Variants in AGBL4 observed in about 807,000 individuals in gnomAD.
The protein encoded by AGBL4 is cytosolic carboxypeptidase 6.
Under a neutral mutation model 66.4 loss-of-function variants are expected in AGBL4, and 58 were observed. The ratio of observed to expected loss-of-function variants is 0.87; its 90% CI spans 0.71 to 1.09. The LOEUF is 1.09. AGBL4 is among the 50% of genes least tolerant of loss of function. The pLI, the probability that AGBL4 is intolerant of heterozygous loss-of-function variation, is 0.00. For synonymous variants in AGBL4, 234 were observed against 222.9 expected (o/e 1.05, Z -0.44); for missense variants, 579 against 631.0 (o/e 0.92, Z 0.88).
intron 1 of AGBL4, among the ~76,000 whole-genome samples, chr1:49,937,537 A>AT (rs1240743331): frequency 6.6e-6 from 1 of 152,010 alleles, no homozygotes; most frequent in Non-Finnish European, 1.5e-5. Context: ...CAGAATATAC[A>AT]TTTTTTTCAG....
chr1:48,587,083 A>G lies in AGBL4; in HGVS notation c.1188T>C (p.Tyr396=). Residue 396 remains tyrosine (Y), a synonymous_variant, in exon 11 of 14, where the codon TAT becomes TAC. Coordinates refer to ENST00000371839, the MANE Select transcript of AGBL4 (RefSeq NM_032785.4). Reference sequence around the variant, plus strand: ...AGAAGGAGACCTCTAGGGTGTAGCAATAGGAAGTGTGGTCCAGGAGTCCAC... The same window carrying G: ...AGAAGGAGACCTCTAGGGTGTAGCAGTAGGAAGTGTGGTCCAGGAGTCCAC... ...FLGGLLDHTS[Y]CYTLEVSFYS... 1 of 1,600,050 alleles carries G rather than the reference A, an allele frequency of 6.2e-7. No individual in the cohort carries two copies. The highest frequency in any genetic ancestry group is 8.5e-7 in the Non-Finnish European group (1 of 1,173,584).
chr1:49,334,096 G>C (rs1645387603), intron 3 of AGBL4, among the ~76,000 whole-genome samples: 1 of 152,154 alleles, frequency 6.6e-6, no homozygotes, highest in Non-Finnish European at 1.5e-5. Context: ...CATCCCTGAA[G>C]TCATGTGCAA....
chr1:48,911,402 G>A (rs1316095768), intron 5 of AGBL4, among the ~76,000 whole-genome samples: 2 of 152,044 alleles, frequency 1.3e-5, no homozygotes, highest in Non-Finnish European at 2.9e-5. Context: ...TGGATCACGA[G>A]GTCAGGAGAT....
chr1:49,771,129 G>T (rs145286161), intron 2 of AGBL4, among the ~76,000 whole-genome samples: 1 of 151,930 alleles, frequency 6.6e-6, no homozygotes, highest in South Asian at 2.1e-4. Context: ...CTTGTTGTAC[G>T]TGCTTATTGC....
intron 3 of AGBL4, among the ~76,000 whole-genome samples, chr1:49,653,725 A>G (rs1175317091): frequency 6.6e-6 from 1 of 151,712 alleles, no homozygotes; most frequent in African/African-American, 2.4e-5. Flanking sequence ...AGGATATAAG[A>G]GCTTGAAGAC....
intron 6 of AGBL4, among the ~76,000 whole-genome samples, chr1:48,866,896 A>C (rs1648148294): frequency 6.6e-6 from 1 of 152,152 alleles, no homozygotes; most frequent in South Asian, 2.1e-4. Context: ...GACTTCCTTG[A>C]CACGTGGGTC....
rs1399265835 is a variant in AGBL4 at position 49,616,380 on chromosome 1, T to C, written c.282+80933A>G. ...TTCATTTGGTTTTACTATATTATAC[T>C]GTTCTGGTTTTCCTCTGGCTTTACT... On this transcript the variant is annotated intron_variant, in intron 3 of 13. Transcript: ENST00000371839. 4.6e-5 allele frequency among the ~76,000 whole-genome samples: 7 copies of C among 152,322 alleles called. 1 individual carries two copies. The South Asian group carries it at 1.4e-3, about 32-fold the overall frequency.
At chr1:49,006,488 A>G (rs1003269560) in intron 5 of AGBL4, among the ~76,000 whole-genome samples, 2 of 152,230 alleles carry the variant, frequency 1.3e-5, no homozygotes, top group Non-Finnish European at 2.9e-5. Flanking sequence ...TTAGGTAAAC[A>G]AAGCAGCGGG....
rs1210826443 is a variant in AGBL4 at position 49,432,189 on chromosome 1, G to C, written c.283-186325C>G. ...TAAGTAAATTTACTGAGGCTCCAGA[G>C]GAAGGTCTTCAGGACTCAGACCTTA... On this transcript the variant is annotated intron_variant, in intron 3 of 13. Transcript: ENST00000371839. Among the ~76,000 whole-genome samples the C allele has an allele frequency of 2.0e-5, 3 of 152,308 alleles. 1 individual carries two copies. The Middle Eastern group carries it at 0.01, about 518-fold the overall frequency.
intron 3 of AGBL4, among the ~76,000 whole-genome samples, chr1:49,444,289 T>C (rs191642146): frequency 6.6e-6 from 1 of 152,078 alleles, no homozygotes; most frequent in Non-Finnish European, 1.5e-5. Flanking sequence ...TAAGCTCCAG[T>C]TTAATCCAAT....
intron 5 of AGBL4, among the ~76,000 whole-genome samples, chr1:48,886,044 G>T (rs1240237921): frequency 6.6e-6 from 1 of 152,174 alleles, no homozygotes; most frequent in Non-Finnish European, 1.5e-5. Flanking sequence ...AACCCACTCT[G>T]CCACTTCCAT....
At chr1:49,552,705 A>T (rs1224620498) in intron 3 of AGBL4, among the ~76,000 whole-genome samples, 2 of 152,078 alleles carry the variant, frequency 1.3e-5, no homozygotes, top group African/African-American at 2.4e-5. Flanking sequence ...AGGCCTGTGA[A>T]TCCTCTTGGG....
intron 5 of AGBL4, among the ~76,000 whole-genome samples, chr1:49,012,769 A>C (rs1006906679): frequency 2.6e-5 from 4 of 152,178 alleles, no homozygotes; most frequent in African/African-American, 9.7e-5. Context: ...GAACTGTAGA[A>C]AGTGAATGTT....
intron 9 of AGBL4, among the ~76,000 whole-genome samples, chr1:48,631,565 TG>T (rs925941837): frequency 3.1e-4 from 47 of 152,144 alleles, no homozygotes; most frequent in African/African-American, 9.2e-4. Flanking sequence ...TAATTTTTTT[TG>T]TATTTTTAGT....
intron 6 of AGBL4, among the ~76,000 whole-genome samples, chr1:48,825,281 A>G (rs1354684880): frequency 6.6e-6 from 1 of 152,124 alleles, no homozygotes. Flanking sequence ...TGTGACTTCC[A>G]ATACTCCAAC....
chr1:49,566,183 A>G (rs1325939276), intron 3 of AGBL4, among the ~76,000 whole-genome samples: 1 of 152,128 alleles, frequency 6.6e-6, no homozygotes, highest in East Asian at 1.9e-4. Flanking sequence ...TGCATTGGTT[A>G]TTCTAGTTAT....
intron 5 of AGBL4, among the ~76,000 whole-genome samples, chr1:48,902,419 T>C (rs552514704): frequency 7.2e-5 from 11 of 152,142 alleles, no homozygotes; most frequent in Non-Finnish European, 1.3e-4. Context: ...GAGTCTGATG[T>C]TGATAATCTA....
At chr1:49,669,920 C>A (rs1235476957) in intron 3 of AGBL4, among the ~76,000 whole-genome samples, 2 of 151,744 alleles carry the variant, frequency 1.3e-5, no homozygotes, top group African/African-American at 4.8e-5. Context: ...ATGAAGAGCA[C>A]AAGATAAAGA....
intron 11 of AGBL4, among the ~76,000 whole-genome samples, chr1:48,568,610 G>A (rs1168774637): frequency 2.0e-5 from 3 of 152,160 alleles, no homozygotes; most frequent in African/African-American, 7.2e-5. Context: ...CAACATTAGT[G>A]GGGCTAGGAA....
Sources: gnomAD v4.1 joint callset for allele counts (sites outside exome capture counted in the v4.1 genomes callset) on GRCh38, gnomAD v4.1.1 for gene constraint, MANE v1.5 for transcripts, NCBI Gene and HGNC (gene_info 2026-07-23, HGNC 2026-07-21) for gene names.